The following OSBPL1A variants were observed in gnomAD, a reference collection of about 807,000 sequenced individuals.
OSBPL1A encodes oxysterol binding protein like 1A.
OSBPL1A carries 80 observed loss-of-function variants against 137.1 expected under a neutral mutation model. That is an observed-to-expected ratio of 0.58 (90% CI 0.49 to 0.70). The LOEUF is 0.70. Ranked by LOEUF, OSBPL1A falls within the 30% of genes least tolerant of loss-of-function variation. The pLI, the probability that OSBPL1A is intolerant of heterozygous loss-of-function variation, is 0.00. For synonymous variants in OSBPL1A, 365 were observed against 389.7 expected (o/e 0.94, Z 0.75); for missense variants, 970 against 1,129.4 (o/e 0.86, Z 2.02).
chr18:24,373,136 C>T (rs1385060275), intron 2 of OSBPL1A, among the ~76,000 whole-genome samples: 1 of 152,156 alleles, frequency 6.6e-6, no homozygotes, highest in Non-Finnish European at 1.5e-5. Context: ...TTAAGTTTAA[C>T]TACTTATAGG....
rs760543303 is a variant in OSBPL1A at position 24,341,616 on chromosome 18, T to C, written c.325A>G (p.Ile109Val). 3 of 1,612,704 alleles carry C rather than the reference T, an allele frequency of 1.9e-6. No homozygotes were observed. Among genetic ancestry groups the C allele is most frequent in the Non-Finnish European group, 2.5e-6 (3 of 1,179,362 alleles). The change falls in exon 5 of 28, where the codon ATT (isoleucine) becomes GTT (valine). Residue 109 changes from isoleucine (I) to valine (V), a missense_variant. By Grantham distance (29) the Ile-to-Val change is conservative (BLOSUM62 3). This residue lies in a region of OSBPL1A where 647 missense variants were observed against 672.6 expected (regional missense o/e 0.96). Transcript: ENST00000319481. ...LLLEYNADTT[I>V]VNGSGQTAKE... Reference sequence around the variant, plus strand: ...GCTGTCTGTCCACTCCCATTAACAATAGTAGTATCAGCATTATATTCTAAG... The same window carrying C: ...GCTGTCTGTCCACTCCCATTAACAACAGTAGTATCAGCATTATATTCTAAG...
intron 5 of OSBPL1A, among the ~76,000 whole-genome samples, chr18:24,340,741 G>C (rs2091261102): frequency 6.6e-6 from 1 of 152,198 alleles, no homozygotes; most frequent in Middle Eastern, 3.4e-3. Context: ...AAGAGGCGGA[G>C]GTTGTAGTGA....
chr18:24,352,578 A>T (rs924437402), intron 4 of OSBPL1A, among the ~76,000 whole-genome samples: 3 of 152,148 alleles, frequency 2.0e-5, no homozygotes, highest in African/African-American at 7.2e-5. Context: ...TAAAGTTCAT[A>T]TGGAACGAAA....
intron 14 of OSBPL1A, among the ~76,000 whole-genome samples, chr18:24,292,203 T>G (rs1011381843): frequency 6.6e-6 from 1 of 152,200 alleles, no homozygotes; most frequent in African/African-American, 2.4e-5. Context: ...GTAGAAATTC[T>G]TCTACTCACA....
At chr18:24,301,856 A>G (rs978589362) in intron 14 of OSBPL1A, among the ~76,000 whole-genome samples, 6 of 152,250 alleles carry the variant, frequency 3.9e-5, no homozygotes, top group African/African-American at 1.4e-4. Context: ...TTACTCTAAT[A>G]TTAACATTTC....
rs562948346 is a variant in OSBPL1A at position 24,301,727 on chromosome 18, A to G, written c.1174+1910T>C. ...CTCCAGCCTGCAACTAATAATCAAA[A>G]TAACCTAACCACTGCCCTTCCCAAG... On this transcript the variant is annotated intron_variant, in intron 14 of 27. Coordinates refer to ENST00000319481, the MANE Select transcript of OSBPL1A (RefSeq NM_080597.4). Among the ~76,000 whole-genome samples the G allele has an allele frequency of 1.4e-4, 22 of 152,308 alleles. No individual in the cohort carries two copies. The South Asian group carries it at 4.4e-3, about 30-fold the overall frequency.
rs1401249071 is a variant in OSBPL1A at position 24,384,522 on chromosome 18, C to G, written c.-2-6987G>C. On this transcript the variant is annotated intron_variant, in intron 1 of 27. Coordinates refer to ENST00000319481, the MANE Select transcript of OSBPL1A (RefSeq NM_080597.4). Reference sequence around the variant, plus strand: ...CCGGGAGGTTACAGTGAGCTGAGATCATGCCACAGCACTCCAGCCTGGGTG... The same window carrying G: ...CCGGGAGGTTACAGTGAGCTGAGATGATGCCACAGCACTCCAGCCTGGGTG... Among the ~76,000 whole-genome samples, 5 of 150,866 alleles carry G rather than the reference C, an allele frequency of 3.3e-5. No homozygotes were observed. In the East Asian group the frequency reaches 9.8e-4, roughly 30 times the overall value.
chr18:24,286,569 C>T (rs1244025279), intron 14 of OSBPL1A, among the ~76,000 whole-genome samples: 7 of 152,088 alleles, frequency 4.6e-5, no homozygotes, highest in African/African-American at 1.7e-4. Context: ...GTTGTGCATA[C>T]TTTTAAAAAA....
intron 14 of OSBPL1A, among the ~76,000 whole-genome samples, chr18:24,287,753 C>CAG (rs2090092962): frequency 8.7e-6 from 1 of 114,900 alleles, no homozygotes; most frequent in Admixed American, 8.6e-5. Flanking sequence ...GCCTGGGCAA[C>CAG]AGAGAGAGAC....
At position 24,197,165 on chromosome 18, in the gene OSBPL1A, T is replaced by C. The variant is rs181251972; in HGVS notation, c.1602-965A>G. Among the ~76,000 whole-genome samples, 1,036 of 151,966 alleles carry C rather than the reference T, an allele frequency of 6.8e-3. 12 individuals carry two copies. The highest frequency in any genetic ancestry group is 0.024 in the African/African-American group (1,001 of 41,438). ...GAGTTTAAGACCAGCCTGGGCAACA[T>C]AGTGAAACCCATCTCCACTAAAAAT... On this transcript the variant is annotated intron_variant, in intron 17 of 27. Coordinates refer to ENST00000319481, the MANE Select transcript of OSBPL1A (RefSeq NM_080597.4).
At chr18:24,330,997 G>A (rs984069465) in intron 7 of OSBPL1A, among the ~76,000 whole-genome samples, 4 of 151,898 alleles carry the variant, frequency 2.6e-5, no homozygotes, top group African/African-American at 4.8e-5. Flanking sequence ...GTTTCACCAT[G>A]TTGACCAGGA....
chr18:24,288,916 A>G (rs910139016), intron 14 of OSBPL1A, among the ~76,000 whole-genome samples: 1 of 152,220 alleles, frequency 6.6e-6, no homozygotes, highest in African/African-American at 2.4e-5. Context: ...AGGACTATCT[A>G]TAGCCTGAAC....
chr18:24,184,881 C>T (rs1386224811), intron 18 of OSBPL1A, among the ~76,000 whole-genome samples: 2 of 152,140 alleles, frequency 1.3e-5, no homozygotes, highest in Non-Finnish European at 2.9e-5. Flanking sequence ...CTGCACTTCC[C>T]GCCTCCTTCA....
At chr18:24,168,343 A>G (rs1457948035) in intron 24 of OSBPL1A, among the ~76,000 whole-genome samples, 1 of 152,216 alleles carries the variant, frequency 6.6e-6, no homozygotes, top group Non-Finnish European at 1.5e-5. Flanking sequence ...GAACAATCTG[A>G]GAACAACAAA....
At chr18:24,239,876 A>C (rs994283735) in intron 15 of OSBPL1A, among the ~76,000 whole-genome samples, 2 of 152,086 alleles carry the variant, frequency 1.3e-5, no homozygotes, top group African/African-American at 4.8e-5. Flanking sequence ...AAATGAAGGG[A>C]AACAGGTTGC....
chr18:24,349,404 G>C (rs2091399948), intron 4 of OSBPL1A, among the ~76,000 whole-genome samples: 1 of 152,064 alleles, frequency 6.6e-6, no homozygotes, highest in African/African-American at 2.4e-5. Flanking sequence ...CATTAACCAA[G>C]ATTGGATGCT....
intron 7 of OSBPL1A, among the ~76,000 whole-genome samples, chr18:24,323,788 G>A (rs2090916432): frequency 3.6e-5 from 1 of 27,792 alleles, no homozygotes; most frequent in Admixed American, 2.5e-4. Context: ...CTATGAGTGA[G>A]AATATGCGGT....
At chr18:24,216,945 T>C (rs2087721129) in intron 17 of OSBPL1A, among the ~76,000 whole-genome samples, 1 of 152,086 alleles carries the variant, frequency 6.6e-6, no homozygotes. Context: ...AGGAAACAAA[T>C]GATGTAAGCC....
chr18:24,373,023 C>T lies in OSBPL1A; in HGVS notation c.121+4390G>A, dbSNP rs192190419. The stretch of plus-strand genomic sequence containing the variant: ...TGGAGGTTGCAGTGAGCCAAGATTG[C>T]ACCCTGCACTCCAGCCTGGGCAACA... On this transcript the variant is annotated intron_variant, in intron 2 of 27. Coordinates refer to ENST00000319481, the MANE Select transcript of OSBPL1A (RefSeq NM_080597.4). Among the ~76,000 whole-genome samples, 447 of 152,212 alleles carry T rather than the reference C, an allele frequency of 2.9e-3. 1 individual carries two copies. Among genetic ancestry groups the T allele is most frequent in the African/African-American group, 0.01 (417 of 41,544 alleles).
Sources: allele counts gnomAD v4.1 joint callset (sites outside exome capture counted in the v4.1 genomes callset), GRCh38; gene constraint gnomAD v4.1.1; regional missense constraint gnomAD v4.1.1; transcripts MANE v1.5; gene names NCBI Gene and HGNC (gene_info 2026-07-23, HGNC 2026-07-21).